CALD1: variants seen among roughly 807,000 people sequenced by gnomAD.
The protein encoded by CALD1 is caldesmon.
Under a neutral mutation model 99.9 loss-of-function variants are expected in CALD1, and 33 were observed. The ratio of observed to expected loss-of-function variants is 0.33; its 90% CI spans 0.25 to 0.44. The LOEUF is 0.44. CALD1 is among the 20% of genes least tolerant of loss of function. The pLI is 1.00. For synonymous variants in CALD1, 310 were observed against 325.0 expected (o/e 0.95, Z 0.50); for missense variants, 861 against 962.1 (o/e 0.89, Z 1.39).
intron 1 of CALD1, among the ~76,000 whole-genome samples, chr7:134,812,833 T>C (rs1798405599): frequency 6.6e-6 from 1 of 152,120 alleles, no homozygotes; most frequent in African/African-American, 2.4e-5. Context: ...GAGTCAGGCA[T>C]TTGCATGGTA....
intron 3 of CALD1, among the ~76,000 whole-genome samples, chr7:134,888,762 G>C (rs1427350212): frequency 6.6e-6 from 1 of 152,176 alleles, no homozygotes; most frequent in African/African-American, 2.4e-5. Flanking sequence ...ACAAACTGAA[G>C]ACAGACAGCT....
At chr7:134,953,653 GT>G (rs796477131) in intron 9 of CALD1, among the ~76,000 whole-genome samples, 1 of 140,300 alleles carries the variant, frequency 7.1e-6, no homozygotes, top group African/African-American at 2.6e-5. Context: ...AAATTCTACT[GT>G]GGTTTTTTTT....
intron 1 of CALD1, among the ~76,000 whole-genome samples, chr7:134,798,009 A>G (rs1389512383): frequency 6.6e-6 from 1 of 152,192 alleles, no homozygotes; most frequent in African/African-American, 2.4e-5. Flanking sequence ...AGTTTCCCCT[A>G]TTGTTAACAT....
intron 3 of CALD1, among the ~76,000 whole-genome samples, chr7:134,927,679 C>T (rs1177348318): frequency 6.6e-6 from 1 of 151,028 alleles, no homozygotes; most frequent in African/African-American, 2.4e-5. Context: ...TGTGATGTGC[C>T]CAGCATGTGG....
At chr7:134,779,899 C>T (rs1378508913) in intron 1 of CALD1, 150 bp downstream of exon 1, 1 of 392,420 alleles carries the variant, frequency 2.5e-6, no homozygotes, top group African/African-American at 2.1e-5. Context: ...GACTGGGCTT[C>T]ACTGCCATAC....
At position 134,793,710 on chromosome 7, in the gene CALD1, A is replaced by C. The variant is rs559167336; in HGVS notation, c.-130+13961A>C. ...ATAATTTCCCTAAAATGCAGTCCCGAAGTGGGACTGTCCCAGTGTGGAGTG... is the reference window on the plus strand; with the variant it reads ...ATAATTTCCCTAAAATGCAGTCCCGCAGTGGGACTGTCCCAGTGTGGAGTG... On this transcript the variant is annotated intron_variant, in intron 1 of 14. Transcript: ENST00000361675. Among the ~76,000 whole-genome samples, 31 of 152,246 alleles carry C rather than the reference A, an allele frequency of 2.0e-4. No homozygotes were observed. In the East Asian group the frequency reaches 3.9e-3, roughly 19 times the overall value.
intron 1 of CALD1, among the ~76,000 whole-genome samples, chr7:134,811,473 C>G (rs1021067295): frequency 6.6e-6 from 1 of 152,178 alleles, no homozygotes; most frequent in African/African-American, 2.4e-5. Context: ...TGAGGACCTT[C>G]AAAGAACCCT....
chr7:134,830,346 C>T (rs897339812), intron 1 of CALD1, among the ~76,000 whole-genome samples: 1 of 151,986 alleles, frequency 6.6e-6, no homozygotes. Context: ...TTTGCTACAC[C>T]TTTGAATTAT....
intron 1 of CALD1, among the ~76,000 whole-genome samples, chr7:134,810,331 C>T (rs912161773): frequency 6.6e-6 from 1 of 152,194 alleles, no homozygotes; most frequent in Non-Finnish European, 1.5e-5. Context: ...GTTTCTGGTA[C>T]ACCTTTGAAC....
intron 8 of CALD1, among the ~76,000 whole-genome samples, chr7:134,948,433 G>T (rs1449493248): frequency 6.6e-6 from 1 of 152,076 alleles, no homozygotes. Flanking sequence ...TTTTGGCTCA[G>T]CATATGAAAT....
At chr7:134,806,336 G>A (rs1798136583) in intron 1 of CALD1, among the ~76,000 whole-genome samples, 1 of 152,152 alleles carries the variant, frequency 6.6e-6, no homozygotes, top group Non-Finnish European at 1.5e-5. Flanking sequence ...TTCCTCATTA[G>A]TAGGCTGTCA....
chr7:134,924,645 T>C (rs576726441), intron 3 of CALD1, among the ~76,000 whole-genome samples: 3 of 152,302 alleles, frequency 2.0e-5, no homozygotes, highest in African/African-American at 7.2e-5. Context: ...TCTTTTTTTG[T>C]TCTTAACTTT....
chr7:134,879,630 TA>T (rs1305477594), intron 3 of CALD1, among the ~76,000 whole-genome samples: 1 of 152,262 alleles, frequency 6.6e-6, no homozygotes, highest in Non-Finnish European at 1.5e-5. Flanking sequence ...CTTAATTTGT[TA>T]ATTATAAATC....
At chr7:134,842,000 A>G (rs1329074542) in intron 1 of CALD1, among the ~76,000 whole-genome samples, 3 of 152,098 alleles carry the variant, frequency 2.0e-5, no homozygotes, top group Non-Finnish European at 4.4e-5. Context: ...ATCCCTCACC[A>G]TCCAACCTCC....
intron 3 of CALD1, among the ~76,000 whole-genome samples, chr7:134,888,079 T>G (rs1170983973): frequency 6.6e-6 from 1 of 152,212 alleles, no homozygotes. Flanking sequence ...AAATCATATT[T>G]TCTTAATAAA....
chr7:134,801,613 T>TTC (rs148788199), intron 1 of CALD1, among the ~76,000 whole-genome samples: 135 of 150,750 alleles, frequency 9.0e-4, no homozygotes, highest in African/African-American at 2.3e-3. Context: ...TCACATTTTC[T>TTC]TCTCTCTCTC....
At chr7:134,848,051 G>C (rs546891972) in intron 2 of CALD1, among the ~76,000 whole-genome samples, 2 of 151,916 alleles carry the variant, frequency 1.3e-5, no homozygotes, top group South Asian at 4.2e-4. Flanking sequence ...ATACCACGCC[G>C]TGCAACAGTA....
At chr7:134,842,220 G>C (rs780314948) in intron 1 of CALD1, among the ~76,000 whole-genome samples, 5 of 152,166 alleles carry the variant, frequency 3.3e-5, no homozygotes, top group Non-Finnish European at 5.9e-5. Flanking sequence ...CAGCATGGTG[G>C]GTCAGGCCCT....
At chr7:134,806,856 A>G (rs187487780) in intron 1 of CALD1, among the ~76,000 whole-genome samples, 1 of 152,270 alleles carries the variant, frequency 6.6e-6, no homozygotes, top group Admixed American at 6.5e-5. Flanking sequence ...TTTTTCTGGT[A>G]GTTTTTCCTG....
Sources: allele counts gnomAD v4.1 joint callset (sites outside exome capture counted in the v4.1 genomes callset), GRCh38; gene constraint gnomAD v4.1.1; transcripts MANE v1.5; gene names NCBI Gene and HGNC (gene_info 2026-07-23, HGNC 2026-07-21).